The following LOC128092253 variants were observed in gnomAD, a reference collection of about 807,000 sequenced individuals.
the LOC128092253 span, among the ~76,000 whole-genome samples, chr6:133,962,983 A>G: frequency 6.6e-6 from 1 of 152,236 alleles, no homozygotes; most frequent in Non-Finnish European, 1.5e-5. Flanking sequence ...GCAAGGGAGC[A>G]GTTGGAGAAT....
the LOC128092253 span, among the ~76,000 whole-genome samples, chr6:133,956,547 C>T: frequency 6.7e-6 from 1 of 148,832 alleles, no homozygotes; most frequent in African/African-American, 2.6e-5. Flanking sequence ...TCTTGAGGAT[C>T]AGGAGTATGA....
the LOC128092253 span, among the ~76,000 whole-genome samples, chr6:133,965,513 C>A: frequency 5.6e-3 from 847 of 152,130 alleles, 12 homozygotes; most frequent in African/African-American, 0.019. Flanking sequence ...TTGCCACCTT[C>A]CCTGTCCCCA....
At chr6:133,968,279 A>G in the LOC128092253 span, among the ~76,000 whole-genome samples, 3 of 152,176 alleles carry the variant, frequency 2.0e-5, no homozygotes, top group South Asian at 6.2e-4. Context: ...AGAAAATGAC[A>G]TGCTATCTTC....
At chr6:133,967,521 A>T in the LOC128092253 span, among the ~76,000 whole-genome samples, 1 of 152,184 alleles carries the variant, frequency 6.6e-6, no homozygotes, top group Non-Finnish European at 1.5e-5. Context: ...CATCACGTGA[A>T]CATCATAGAG....
the LOC128092253 span, among the ~76,000 whole-genome samples, chr6:133,956,818 C>T: frequency 6.6e-6 from 1 of 152,190 alleles, no homozygotes; most frequent in African/African-American, 2.4e-5. Flanking sequence ...TAATGGTGGA[C>T]TGCCTTCACT....
At chr6:133,956,493 A>G in the LOC128092253 span, among the ~76,000 whole-genome samples, 3 of 152,202 alleles carry the variant, frequency 2.0e-5, no homozygotes, top group East Asian at 1.9e-4. Context: ...TGGTACTGTC[A>G]CTATTGGTGA....
chr6:133,966,069 A>G, the LOC128092253 span, among the ~76,000 whole-genome samples: 53 of 152,196 alleles, frequency 3.5e-4, no homozygotes, highest in East Asian at 2.5e-3. Flanking sequence ...CTTCAGAGAC[A>G]GAGAGAGACA....
chr6:133,962,809 A>G, the LOC128092253 span, among the ~76,000 whole-genome samples: 1 of 152,222 alleles, frequency 6.6e-6, no homozygotes, highest in South Asian at 2.1e-4. Context: ...ATTAGTGTGT[A>G]TACAATTTCA....
the LOC128092253 span, among the ~76,000 whole-genome samples, chr6:133,963,013 A>G: frequency 2.0e-5 from 3 of 152,230 alleles, no homozygotes; most frequent in South Asian, 6.2e-4. Context: ...CCAGTGCTTT[A>G]TGCTCTAGAG....
At chr6:133,978,835 A>T in the LOC128092253 span, among the ~76,000 whole-genome samples, 1 of 152,188 alleles carries the variant, frequency 6.6e-6, no homozygotes, top group Non-Finnish European at 1.5e-5. Flanking sequence ...TAGTTATATA[A>T]TAATTTGAAT....
the LOC128092253 span, among the ~76,000 whole-genome samples, chr6:133,972,885 G>A: frequency 6.6e-6 from 1 of 152,138 alleles, no homozygotes; most frequent in Non-Finnish European, 1.5e-5. Flanking sequence ...ACCCTGTGAG[G>A]TACAGGTGGT....
the LOC128092253 span, among the ~76,000 whole-genome samples, chr6:133,971,682 AC>A: frequency 6.6e-6 from 1 of 152,036 alleles, no homozygotes; most frequent in East Asian, 1.9e-4. Context: ...TCCTTATGAT[AC>A]GTGATGTTGA....
the LOC128092253 span, among the ~76,000 whole-genome samples, chr6:133,969,451 A>C: frequency 6.6e-6 from 1 of 152,110 alleles, no homozygotes; most frequent in Non-Finnish European, 1.5e-5. Context: ...AGTCTCATAG[A>C]TAGTAGGTAG....
the LOC128092253 span, among the ~76,000 whole-genome samples, chr6:133,969,506 A>T: frequency 6.6e-6 from 1 of 152,178 alleles, no homozygotes; most frequent in Non-Finnish European, 1.5e-5. Context: ...AACTGAATGT[A>T]ATGATGCTTT....
chr6:133,969,740 T>G, the LOC128092253 span, among the ~76,000 whole-genome samples: 2 of 152,192 alleles, frequency 1.3e-5, no homozygotes, highest in East Asian at 3.8e-4. Context: ...TTCAAGGTTT[T>G]CAACTGTTAG....
chr6:133,964,658 C>T, the LOC128092253 span, among the ~76,000 whole-genome samples: 12 of 151,994 alleles, frequency 7.9e-5, no homozygotes, highest in East Asian at 2.3e-3. Context: ...CCGTGTTAGC[C>T]AGGATGGTCT....
the LOC128092253 span, among the ~76,000 whole-genome samples, chr6:133,979,716 G>A: frequency 9.8e-4 from 149 of 151,792 alleles, no homozygotes; most frequent in Middle Eastern, 6.8e-3. Flanking sequence ...GTACGATCTC[G>A]GCTCACTGCA....
chr6:133,967,088 C>T, the LOC128092253 span, among the ~76,000 whole-genome samples: 1 of 152,198 alleles, frequency 6.6e-6, no homozygotes, highest in Non-Finnish European at 1.5e-5. Context: ...CTTTTCTCAC[C>T]GTAGCCATGC....
the LOC128092253 span, among the ~76,000 whole-genome samples, chr6:133,965,157 G>C: frequency 6.6e-6 from 1 of 152,090 alleles, no homozygotes; most frequent in Non-Finnish European, 1.5e-5. Flanking sequence ...AAATTATGCT[G>C]TTTTGTTAGC....
Sources: gnomAD v4.1 joint callset for allele counts (sites outside exome capture counted in the v4.1 genomes callset) on GRCh38, gnomAD v4.1.1 for gene constraint, MANE v1.5 for transcripts.